Variants in PCDHA2 observed in about 807,000 individuals in gnomAD.
The protein encoded by PCDHA2 is protocadherin alpha-2.
Under a neutral mutation model 66.0 loss-of-function variants are expected in PCDHA2, and 58 were observed. The ratio of observed to expected loss-of-function variants is 0.88; its 90% CI spans 0.71 to 1.09. The LOEUF (loss-of-function observed/expected upper bound fraction) is 1.09. Among genes scored for constraint, PCDHA2 ranks in the 50% least tolerant of loss-of-function variants. The pLI is 0.00. For synonymous variants in PCDHA2, 634 were observed against 554.0 expected, an observed-to-expected ratio of 1.14 and a Z score of -2.03; for missense variants, 1,267 against 1,242.3, an observed-to-expected ratio of 1.02 and a Z score of -0.30.
At chr5:140,921,750 C>T (rs2080373281) in intron 1 of PCDHA2, among the ~76,000 whole-genome samples, 2 of 152,056 alleles carry the variant, frequency 1.3e-5, no homozygotes, top group African/African-American at 4.8e-5. Context: ...CATAACAGGA[C>T]ACTTCTTGGC....
At chr5:140,859,117 T>C (rs1441256234) in intron 1 of PCDHA2, 3 of 150,206 alleles carry the variant, frequency 2.0e-5, no homozygotes, top group Non-Finnish European at 4.5e-5. Context: ...AGAAAATGTA[T>C]GTTTCTTTTA....
At chr5:140,882,768 C>T (rs1554175511) in intron 1 of PCDHA2, 1 of 1,614,222 alleles carries the variant, frequency 6.2e-7, no homozygotes, top group East Asian at 2.2e-5. Context: ...GTAAACTCGG[C>T]ATTGACCTAC....
intron 1 of PCDHA2, chr5:140,860,433 T>C (rs2046395592): frequency 6.6e-6 from 1 of 152,064 alleles, no homozygotes; most frequent in Non-Finnish European, 1.5e-5. Context: ...GCAAATATGA[T>C]CTTTTTCATA....
At chr5:140,798,693 A>G (rs1443802403) in intron 1 of PCDHA2, among the ~76,000 whole-genome samples, 1 of 152,220 alleles carries the variant, frequency 6.6e-6, no homozygotes, top group Non-Finnish European at 1.5e-5. Context: ...GAATTTTTCC[A>G]AAAGATGAGG....
chr5:140,910,708 A>G (rs1227801513), intron 1 of PCDHA2, among the ~76,000 whole-genome samples: 2 of 152,164 alleles, frequency 1.3e-5, no homozygotes, highest in African/African-American at 4.8e-5. Context: ...ACAGTGGGCC[A>G]TCTTTTAATC....
chr5:140,853,472 T>C lies in PCDHA2; in HGVS notation c.2388+56120T>C, dbSNP rs1420566523. The C allele has an allele frequency of 4.8e-5, 47 of 973,390 alleles. 7 individuals are homozygous for C. The highest frequency in any genetic ancestry group is 5.7e-5 in the Non-Finnish European group (46 of 806,260). 60.3% of individuals were successfully genotyped at this position (973,390 alleles called of 1,614,324 possible). A position where few individuals can be genotyped will look rare whatever the true frequency, so the allele number is the denominator to read the frequency against. ...AGGTCTCCTTATATGCATCTGTAGT[T>C]AACATTCCTCAATTCAAGTTAGAAT... On this transcript the variant is annotated intron_variant, in intron 1 of 3. Coordinates refer to ENST00000526136, the MANE Select transcript of PCDHA2 (RefSeq NM_018905.3).
In PCDHA2 at chr5:140,797,213, A is replaced by G. The variant is rs1173787059; in HGVS notation, c.2249A>G (p.Tyr750Cys). Residue 750 changes from tyrosine to cysteine, a missense_variant, in exon 1 of 4, where the codon TAC (tyrosine) becomes TGC (cysteine). By Grantham distance (194) the Tyr-to-Cys change is radical. Transcript: ENST00000526136. ...TCCAGCGCCGTGGGGAGCTGGTCTT[A>G]CTCGCAGCAGAGGCGGCAGAGGGTG... Reference protein sequence around the residue: ...VCSSAVGSWSYSQQRRQRVCS... With the variant: ...VCSSAVGSWSCSQQRRQRVCS... 6 of 1,614,066 alleles carry G rather than the reference A, an allele frequency of 3.7e-6. No individual in the cohort carries two copies. Among genetic ancestry groups the G allele is most frequent in the Non-Finnish European group, 5.1e-6 (6 of 1,180,012 alleles).
At chr5:140,806,972 T>C in intron 1 of PCDHA2, 1 of 617,842 alleles carries the variant, frequency 1.6e-6, no homozygotes, top group Non-Finnish European at 2.8e-6. Context: ...AATTGCTACT[T>C]ACGGTTTGGA....
At position 140,877,134 on chromosome 5, in the gene PCDHA2, C is replaced by A. The variant is rs1339173132; in HGVS notation, c.2388+79782C>A. 17 of 1,613,712 alleles carry A rather than the reference C, an allele frequency of 1.1e-5. No homozygotes were observed. Among genetic ancestry groups the A allele is most frequent in the Admixed American group, 6.7e-5 (4 of 60,000 alleles). ...GCAGCAACGTGACGCTGCAGGTGTTCGTGCTGGACGAGAACGACAACGCGC... is the reference window on the plus strand; with the variant it reads ...GCAGCAACGTGACGCTGCAGGTGTTAGTGCTGGACGAGAACGACAACGCGC... On this transcript the variant is annotated intron_variant, in intron 1 of 3. Transcript: ENST00000526136.
intron 1 of PCDHA2, chr5:140,824,158 C>G: frequency 6.2e-7 from 1 of 1,611,212 alleles, no homozygotes; most frequent in Non-Finnish European, 8.5e-7. Context: ...ATCCATCTTT[C>G]CCTCCCAATT....
In PCDHA2 at chr5:140,900,436, G is replaced by C. The variant is rs553121120; in HGVS notation, c.2389-78513G>C. 8.5e-5 allele frequency among the ~76,000 whole-genome samples: 13 copies of C among 152,126 alleles called. No individual in the cohort carries two copies. The East Asian group carries it at 2.5e-3, about 30-fold the overall frequency. ...GGGATTATAGGCACGTGCCACCACG[G>C]CCGGCTAATTTTTTATTTTTAGTAG... On this transcript the variant is annotated intron_variant, in intron 1 of 3. Transcript: ENST00000526136.
chr5:140,946,298 G>A (rs1670826449), intron 1 of PCDHA2, among the ~76,000 whole-genome samples: 1 of 151,840 alleles, frequency 6.6e-6, no homozygotes, highest in Admixed American at 6.6e-5. Flanking sequence ...CCTCACACCT[G>A]GTAGAATGGC....
rs1554121301 is a variant in PCDHA2, at chr5:140,801,194, T to A, written c.2388+3842T>A. On this transcript the variant is annotated intron_variant, in intron 1 of 3. Coordinates refer to ENST00000526136, the MANE Select transcript of PCDHA2 (RefSeq NM_018905.3). ...GGCAATCTAATATTTGGAAAATACT[T>A]GCAATGTTGTTCTCCTGGCGAGAAG... 2.5e-6 allele frequency: 4 copies of A among 1,587,470 alleles called. No homozygotes were observed. The Admixed American group carries it at 5.5e-5, about 22-fold the overall frequency.
chr5:140,966,641 A>T, intron 1 of PCDHA2: 1 of 1,104,530 alleles, frequency 9.1e-7, no homozygotes, highest in South Asian at 2.2e-5. Flanking sequence ...GGCGCTTTCT[A>T]GAGCGTGAGC....
chr5:140,933,653 G>GTC (rs1245688430), intron 1 of PCDHA2, among the ~76,000 whole-genome samples: 13 of 151,864 alleles, frequency 8.6e-5, no homozygotes, highest in African/African-American at 2.7e-4. Flanking sequence ...TGGAAATCCT[G>GTC]TCTCTCTCTC....
At chr5:140,879,099 A>G (rs1255546668) in intron 1 of PCDHA2, among the ~76,000 whole-genome samples, 1 of 152,242 alleles carries the variant, frequency 6.6e-6, no homozygotes, top group Non-Finnish European at 1.5e-5. Flanking sequence ...ACTGCACAGT[A>G]TATGGTGTAA....
chr5:140,844,051 CAA>C (rs1431845216), intron 1 of PCDHA2, among the ~76,000 whole-genome samples: 4 of 149,544 alleles, frequency 2.7e-5, no homozygotes, highest in African/African-American at 9.8e-5. Flanking sequence ...AGTATTCCCC[CAA>C]AGCGTTTATT....
chr5:140,875,040 T>G (rs1369679625), intron 1 of PCDHA2, among the ~76,000 whole-genome samples: 1 of 152,234 alleles, frequency 6.6e-6, no homozygotes, highest in East Asian at 1.9e-4. Context: ...ATTTGAAAGA[T>G]TTCTACTTTG....
At chr5:140,979,843 A>G (rs1373380351) in intron 2 of PCDHA2, among the ~76,000 whole-genome samples, 1 of 152,246 alleles carries the variant, frequency 6.6e-6, no homozygotes, top group African/African-American at 2.4e-5. Context: ...TAATCTTCAA[A>G]CTTAAGCCCC....
Sources: gnomAD v4.1 joint callset for allele counts (sites outside exome capture counted in the v4.1 genomes callset) on GRCh38, gnomAD v4.1.1 for gene constraint, MANE v1.5 for transcripts, NCBI Gene and HGNC (gene_info 2026-07-23, HGNC 2026-07-21) for gene names.